Variants in ACYP2 observed in about 807,000 individuals in gnomAD.
ACYP2 encodes acylphosphatase-2.
A neutral mutation model predicts 11.2 loss-of-function variants in ACYP2; 12 were observed. That is an observed-to-expected ratio of 1.08 (90% CI 0.69 to 1.74). The LOEUF (loss-of-function observed/expected upper bound fraction) is 1.74. Among genes scored for constraint, ACYP2 ranks in the 40% most tolerant of loss-of-function variants. ACYP2 has a pLI of 0.00. For missense variants in ACYP2, 134 were observed against 101.9 expected (o/e 1.31, Z -1.35); for synonymous variants, 43 against 32.2 (o/e 1.33, Z -1.13).
chr2:54,079,043 T>C (rs1173527701), intron 4 of ACYP2, among the ~76,000 whole-genome samples: 1 of 152,202 alleles, frequency 6.6e-6, no homozygotes, highest in Non-Finnish European at 1.5e-5. Context: ...ATTCCTTTTG[T>C]AGTAGTATTA....
chr2:54,047,085 G>A (rs1344383032), intron 2 of ACYP2, among the ~76,000 whole-genome samples: 3 of 152,154 alleles, frequency 2.0e-5, no homozygotes, highest in Non-Finnish European at 4.4e-5. Context: ...CATTGCAAAG[G>A]CACCAAGGCA....
intron 2 of ACYP2, among the ~76,000 whole-genome samples, chr2:54,042,877 A>G (rs191246823): frequency 2.0e-5 from 3 of 152,336 alleles, no homozygotes; most frequent in Admixed American, 6.5e-5. Context: ...AGACCAACCA[A>G]TCTTTCTTAG....
Position 54,062,326 on chromosome 2 carries a change from A to G in ACYP2, c.277+4966A>G, listed in dbSNP as rs368087387. On this transcript the variant is annotated intron_variant, in intron 4 of 6. Coordinates refer to ENST00000607452, the MANE Select transcript of ACYP2 (RefSeq NM_001320586.2). ...CATTACTTTGAGTCTGACCTCCCCA[A>G]TCATACACCTGTTTTTATCTGGTAG... is the stretch of plus-strand genomic sequence containing the variant. Among the ~76,000 whole-genome samples the G allele has an allele frequency of 1.3e-4, 20 of 152,228 alleles. 1 individual carries two copies. The highest frequency in any genetic ancestry group is 2.4e-4 in the African/African-American group (10 of 41,542).
Position 54,024,794 on chromosome 2 carries a change from A to T in ACYP2, c.63-26164A>T, listed in dbSNP as rs149753869. 1.3e-4 allele frequency among the ~76,000 whole-genome samples: 20 copies of T among 152,258 alleles called. 1 individual carries two copies. Among genetic ancestry groups the T allele is most frequent in the African/African-American group, 4.8e-4 (20 of 41,534 alleles). On this transcript the variant is annotated intron_variant, in intron 2 of 6. Transcript: ENST00000607452. ...ATCCAATTGGTAAAAAGGAAATCAA[A>T]CTGTCGCTGTTTCCTGACGATATGA...
intron 6 of ACYP2, among the ~76,000 whole-genome samples, chr2:54,206,102 T>C (rs1402101079): frequency 6.6e-6 from 1 of 152,222 alleles, no homozygotes; most frequent in Non-Finnish European, 1.5e-5. Flanking sequence ...TGCATTATTT[T>C]AATGTAAGCT....
intron 4 of ACYP2, among the ~76,000 whole-genome samples, chr2:54,096,659 C>G (rs1034506567): frequency 6.6e-6 from 1 of 152,170 alleles, no homozygotes; most frequent in Non-Finnish European, 1.5e-5. Context: ...AGCGAAACCC[C>G]GTCTCCACCA....
chr2:54,221,752 C>T (rs896527516), intron 6 of ACYP2, among the ~76,000 whole-genome samples: 1 of 151,970 alleles, frequency 6.6e-6, no homozygotes, highest in Admixed American at 6.6e-5. Flanking sequence ...AAACTCCTGA[C>T]CTCAGGTGAT....
intron 6 of ACYP2, among the ~76,000 whole-genome samples, chr2:54,149,660 C>T (rs1321049360): frequency 2.0e-5 from 3 of 152,126 alleles, no homozygotes; most frequent in Admixed American, 2.0e-4. Context: ...AAATAAAACA[C>T]TTGTATTTGG....
intron 6 of ACYP2, among the ~76,000 whole-genome samples, chr2:54,203,062 T>C (rs781600496): frequency 1.3e-5 from 2 of 152,178 alleles, no homozygotes; most frequent in African/African-American, 2.4e-5. Flanking sequence ...TTTGGGAGTA[T>C]TGCTATCTTA....
At chr2:54,164,098 G>A (rs1682847149) in intron 6 of ACYP2, among the ~76,000 whole-genome samples, 1 of 152,198 alleles carries the variant, frequency 6.6e-6, no homozygotes, top group East Asian at 1.9e-4. Flanking sequence ...CTAATGGCTG[G>A]TAAGGCTGAA....
chr2:54,169,582 A>C (rs1683143552), intron 6 of ACYP2, among the ~76,000 whole-genome samples: 1 of 152,116 alleles, frequency 6.6e-6, no homozygotes, highest in Non-Finnish European at 1.5e-5. Context: ...GCCAACCTCT[A>C]GGAATTTGAT....
At chr2:54,202,120 C>T (rs537000695) in intron 6 of ACYP2, among the ~76,000 whole-genome samples, 1 of 151,856 alleles carries the variant, frequency 6.6e-6, no homozygotes, top group African/African-American at 2.4e-5. Flanking sequence ...CATTGTTTTG[C>T]GATTGGCTAT....
intron 2 of ACYP2, among the ~76,000 whole-genome samples, chr2:54,042,009 CT>C (rs111463982): frequency 0.73 from 99,172 of 136,494 alleles, 36,311 homozygotes; most frequent in East Asian, 0.91. Flanking sequence ...TTTATTCTTT[CT>C]TTTTTTTTTT....
intron 6 of ACYP2, among the ~76,000 whole-genome samples, chr2:54,215,701 ATAGT>A (rs1189760292): frequency 1.3e-5 from 2 of 152,168 alleles, no homozygotes; most frequent in Admixed American, 6.6e-5. Flanking sequence ...CATACTATGC[ATAGT>A]TAGGTGTAAT....
chr2:54,098,130 T>G (rs1196411767), intron 4 of ACYP2, among the ~76,000 whole-genome samples: 1 of 137,632 alleles, frequency 7.3e-6, no homozygotes, highest in Non-Finnish European at 1.7e-5. Context: ...GACTGGCTAA[T>G]TTTTTAAAAA....
At chr2:54,013,310 TGTGTG>T (rs1322133635) in intron 2 of ACYP2, among the ~76,000 whole-genome samples, 9 of 141,042 alleles carry the variant, frequency 6.4e-5, no homozygotes, top group East Asian at 2.2e-4. Context: ...TGTGTGTGTG[TGTGTG>T]TTTTGAGACA....
chr2:54,102,592 C>T (rs1003606423), intron 4 of ACYP2, among the ~76,000 whole-genome samples: 11 of 124,868 alleles, frequency 8.8e-5, no homozygotes, highest in African/African-American at 3.5e-4. Flanking sequence ...TTAATCAGAG[C>T]TCATTTAAGT....
At chr2:54,185,267 T>G (rs1422889557) in intron 6 of ACYP2, among the ~76,000 whole-genome samples, 1 of 152,208 alleles carries the variant, frequency 6.6e-6, no homozygotes, top group African/African-American at 2.4e-5. Context: ...TAGCTTTTAC[T>G]CTTCTGCCAG....
At chr2:54,056,860 C>G (rs1477895838) in intron 3 of ACYP2, among the ~76,000 whole-genome samples, 2 of 152,046 alleles carry the variant, frequency 1.3e-5, no homozygotes, top group African/African-American at 4.8e-5. Context: ...GAAAAAAATA[C>G]TTTTAAAAAG....
Sources: allele counts gnomAD v4.1 joint callset (sites outside exome capture counted in the v4.1 genomes callset), GRCh38; gene constraint gnomAD v4.1.1; transcripts MANE v1.5; gene names NCBI Gene and HGNC (gene_info 2026-07-23, HGNC 2026-07-21).